Variants in HS6ST3 observed in about 807,000 individuals in gnomAD.
HS6ST3 encodes heparan sulfate 6-O-sulfotransferase 3.
In HS6ST3, 12 loss-of-function variants were observed where a neutral mutation model predicts 36.7. That is an observed-to-expected ratio of 0.33 (90% CI 0.21 to 0.53). The LOEUF is 0.53. Among genes scored for constraint, HS6ST3 ranks in the 20% least tolerant of loss-of-function variants. HS6ST3 has a pLI of 0.95. For missense variants in HS6ST3, 584 were observed against 640.9 expected (o/e 0.91, Z 0.96); for synonymous variants, 240 against 257.5 (o/e 0.93, Z 0.65).
At chr13:96,636,976 C>A (rs921029795) in intron 1 of HS6ST3, among the ~76,000 whole-genome samples, 18 of 151,210 alleles carry the variant, frequency 1.2e-4, no homozygotes, top group African/African-American at 4.4e-4. Flanking sequence ...GTTTTAGAAC[C>A]ACATAGGTTA....
chr13:96,411,682 A>G (rs1231955200), intron 1 of HS6ST3, among the ~76,000 whole-genome samples: 3 of 152,238 alleles, frequency 2.0e-5, no homozygotes, highest in Non-Finnish European at 4.4e-5. Flanking sequence ...GATTGGCCGG[A>G]AACCTGATTA....
At chr13:96,510,086 TTTTTATTTTATTTTA>T (rs150117554) in intron 1 of HS6ST3, among the ~76,000 whole-genome samples, 23,422 of 141,450 alleles carry the variant, frequency 0.17, 2,009 homozygotes, top group Admixed American at 0.18. Context: ...TTCCTAGGTA[TTTTTATTTTATTTTA>T]TTTTATTTTA....
intron 1 of HS6ST3, among the ~76,000 whole-genome samples, chr13:96,609,252 G>T (rs548826401): frequency 2.6e-5 from 4 of 152,010 alleles, no homozygotes; most frequent in Non-Finnish European, 5.9e-5. Context: ...TTGCAGATGT[G>T]AGCCACCACG....
At chr13:96,463,025 A>G (rs1370239245) in intron 1 of HS6ST3, among the ~76,000 whole-genome samples, 3 of 152,206 alleles carry the variant, frequency 2.0e-5, no homozygotes, top group East Asian at 1.9e-4. Flanking sequence ...ATGGAGAGCT[A>G]TATCATGTTC....
At chr13:96,566,381 G>A (rs925548573) in intron 1 of HS6ST3, among the ~76,000 whole-genome samples, 1 of 152,024 alleles carries the variant, frequency 6.6e-6, no homozygotes, top group Admixed American at 6.5e-5. Context: ...TTTCAACTTG[G>A]AATTCTTTCA....
chr13:96,138,454 TATAA>T (rs2054013720), intron 1 of HS6ST3, among the ~76,000 whole-genome samples: 1 of 149,334 alleles, frequency 6.7e-6, no homozygotes, highest in South Asian at 2.1e-4. Context: ...ATATATAGTT[TATAA>T]ATACATATAT....
chr13:96,144,740 T>C (rs944417000), intron 1 of HS6ST3, among the ~76,000 whole-genome samples: 122 of 150,792 alleles, frequency 8.1e-4, no homozygotes, highest in Middle Eastern at 3.4e-3. Context: ...TGCGCACCCA[T>C]TAACTCGTCA....
chr13:96,697,424 G>A (rs1875158774), intron 1 of HS6ST3, among the ~76,000 whole-genome samples: 1 of 151,862 alleles, frequency 6.6e-6, no homozygotes, highest in Admixed American at 6.6e-5. Flanking sequence ...AATATAGAAG[G>A]AGAAAATAGA....
chr13:96,104,246 G>A (rs1038601192), intron 1 of HS6ST3, among the ~76,000 whole-genome samples: 1 of 152,128 alleles, frequency 6.6e-6, no homozygotes, highest in East Asian at 1.9e-4. Flanking sequence ...AGAATCTAAA[G>A]TTTGCATTGC....
Position 96,545,798 on chromosome 13 carries a change from C to T in HS6ST3, c.708-286692C>T, listed in dbSNP as rs551164271. Among the ~76,000 whole-genome samples the T allele has an allele frequency of 1.6e-4, 25 of 152,204 alleles. No homozygotes were observed. The East Asian group carries it at 4.3e-3, about 26-fold the overall frequency. On this transcript the variant is annotated intron_variant, in intron 1 of 1. Transcript: ENST00000376705. ...AAGTAGGAAAATCCGATAGCTACTT[C>T]GAGAGCCAGCGGATACCATCCACAG...
At chr13:96,212,966 A>G (rs947184821) in intron 1 of HS6ST3, among the ~76,000 whole-genome samples, 3 of 152,250 alleles carry the variant, frequency 2.0e-5, no homozygotes, top group Non-Finnish European at 2.9e-5. Context: ...TAAATTTATT[A>G]ACTTGTAATG....
At chr13:96,244,564 T>A (rs544616135) in intron 1 of HS6ST3, among the ~76,000 whole-genome samples, 7 of 152,286 alleles carry the variant, frequency 4.6e-5, no homozygotes, top group South Asian at 4.1e-4. Context: ...CTTAATCCTA[T>A]CACAATACAA....
intron 1 of HS6ST3, among the ~76,000 whole-genome samples, chr13:96,719,503 T>C (rs770269787): frequency 3.9e-5 from 6 of 152,178 alleles, no homozygotes; most frequent in Non-Finnish European, 7.4e-5. Context: ...TCTAGGTCTA[T>C]AAAGCAATTA....
intron 1 of HS6ST3, among the ~76,000 whole-genome samples, chr13:96,724,146 A>C (rs1875925927): frequency 6.6e-6 from 1 of 152,234 alleles, no homozygotes; most frequent in Non-Finnish European, 1.5e-5. Flanking sequence ...ATAAAAAGTA[A>C]TGTGCACATT....
intron 1 of HS6ST3, among the ~76,000 whole-genome samples, chr13:96,177,856 T>TTA: frequency 6.6e-6 from 1 of 152,062 alleles, no homozygotes; most frequent in Admixed American, 6.6e-5. Flanking sequence ...ACCAAGAGAC[T>TTA]TATCAACCAG....
rs541041225 is a variant in HS6ST3 at position 96,500,711 on chromosome 13, G to T, written c.708-331779G>T. On this transcript the variant is annotated intron_variant, in intron 1 of 1. Coordinates refer to ENST00000376705, the MANE Select transcript of HS6ST3 (RefSeq NM_153456.4). ...CAAGTCTGCCTCCCATCCTGGGAAT[G>T]GTGTAAAAACCCACATTTAATAAAT... 1.4e-4 allele frequency among the ~76,000 whole-genome samples: 21 copies of T among 152,258 alleles called. 1 individual carries two copies. The South Asian group carries it at 4.4e-3, about 32-fold the overall frequency.
rs539049984 is a variant in HS6ST3 at position 96,711,993 on chromosome 13, TA to T, written c.708-120495del. ...TCTACTTTGAAGTTAGGATTTCTTA[TA>T]ATGATTCTCTGCCCCAGTGGAATAT... On this transcript the variant is annotated intron_variant, in intron 1 of 1. Transcript: ENST00000376705. Among the ~76,000 whole-genome samples, 16 of 152,360 alleles carry T rather than the reference TA, an allele frequency of 1.1e-4. 1 individual carries two copies. In the South Asian group the frequency reaches 3.3e-3, roughly 32 times the overall value.
intron 1 of HS6ST3, among the ~76,000 whole-genome samples, chr13:96,749,591 T>A (rs1159267938): frequency 6.6e-6 from 1 of 152,166 alleles, no homozygotes; most frequent in Admixed American, 6.6e-5. Context: ...TATTTTTTTC[T>A]AATCTCCAGA....
intron 1 of HS6ST3, among the ~76,000 whole-genome samples, chr13:96,457,086 T>G (rs1490935201): frequency 6.6e-6 from 1 of 152,146 alleles, no homozygotes; most frequent in African/African-American, 2.4e-5. Context: ...CTATCAGTTT[T>G]AGGGAGGCTG....
Sources: allele counts gnomAD v4.1 joint callset (sites outside exome capture counted in the v4.1 genomes callset), GRCh38; gene constraint gnomAD v4.1.1; transcripts MANE v1.5; gene names NCBI Gene and HGNC (gene_info 2026-07-23, HGNC 2026-07-21).